The following VPS13C variants were observed in gnomAD, a reference collection of about 807,000 sequenced individuals.
VPS13C encodes the protein intermembrane lipid transfer protein VPS13C.
Under a neutral mutation model 456.8 loss-of-function variants are expected in VPS13C, and 358 were observed. The observed-to-expected ratio is 0.78, with a 90% CI of 0.72 to 0.86. VPS13C has a LOEUF of 0.86. Ranked by LOEUF, VPS13C falls within the 40% of genes least tolerant of loss-of-function variation. The pLI, the probability that VPS13C is intolerant of heterozygous loss-of-function variation, is 0.00. For synonymous variants in VPS13C, 1,578 were observed against 1,486.7 expected (o/e 1.06, Z -1.41); for missense variants, 4,818 against 4,385.4 (o/e 1.10, Z -2.79).
chr15:61,894,218 G>T (rs534678465), intron 66 of VPS13C, among the ~76,000 whole-genome samples: 11 of 152,062 alleles, frequency 7.2e-5, no homozygotes, highest in African/African-American at 2.7e-4. Flanking sequence ...TGAGGCAGGG[G>T]AATTGCTTGA....
At chr15:61,935,296 T>C (rs1426559530) in intron 48 of VPS13C, among the ~76,000 whole-genome samples, 1 of 152,192 alleles carries the variant, frequency 6.6e-6, no homozygotes, top group Non-Finnish European at 1.5e-5. Flanking sequence ...ATAATCTTTT[T>C]CAACACTGAC....
intron 79 of VPS13C, 95 bp downstream of exon 79, chr15:61,871,894 C>T (rs1895058635): frequency 1.8e-6 from 2 of 1,086,692 alleles, no homozygotes; most frequent in African/African-American, 3.2e-5. Flanking sequence ...CAGTAATTTT[C>T]TCAATCAAGT....
intron 67 of VPS13C, 58 bp downstream of exon 67, chr15:61,890,107 T>C (rs753077074): frequency 7.9e-6 from 12 of 1,511,704 alleles, no homozygotes; most frequent in Non-Finnish European, 1.1e-5. Context: ...TCAAATCGGC[T>C]ATTATGAACT....
In VPS13C at chr15:61,919,281, A is replaced by G. The variant is rs2043570403; in HGVS notation, c.7638+8T>C. On this transcript the variant is annotated splice_region_variant and intron_variant, in intron 58 of 84. Transcript: ENST00000644861. ...CTGAAAGGGATACAATTAACTTTGA[A>G]GTATTACCTGTAGAGGAGAGCGAAG... The G allele has an allele frequency of 6.3e-7, 1 of 1,581,048 alleles. No individual in the cohort carries two copies. Among genetic ancestry groups the G allele is most frequent in the Non-Finnish European group, 8.6e-7 (1 of 1,167,118 alleles).
At chr15:61,935,099 A>G (rs2140237038) in intron 48 of VPS13C, among the ~76,000 whole-genome samples, 1 of 152,276 alleles carries the variant, frequency 6.6e-6, no homozygotes, top group African/African-American at 2.4e-5. Flanking sequence ...CTTTATCAGA[A>G]GAACAGAATA....
intron 81 of VPS13C, chr15:61,865,981 A>C: frequency 1.3e-5 from 13 of 984,188 alleles, no homozygotes; most frequent in Non-Finnish European, 1.4e-5. Context: ...CATATTACAA[A>C]GGGCTAAAAA....
chr15:61,897,961 GA>G (rs1177084001), intron 66 of VPS13C, among the ~76,000 whole-genome samples: 2 of 152,114 alleles, frequency 1.3e-5, no homozygotes, highest in African/African-American at 4.8e-5. Flanking sequence ...CATTCTTGAA[GA>G]AAAGAATTTT....
At chr15:61,900,582 A>G (rs2042966812) in intron 66 of VPS13C, among the ~76,000 whole-genome samples, 1 of 151,918 alleles carries the variant, frequency 6.6e-6, no homozygotes, top group Non-Finnish European at 1.5e-5. Flanking sequence ...AAGGAGAACT[A>G]CAAACCACTG....
chr15:61,970,344 T>A (rs117776808), intron 27 of VPS13C, among the ~76,000 whole-genome samples: 1 of 152,252 alleles, frequency 6.6e-6, no homozygotes, highest in East Asian at 1.9e-4. Context: ...CCAAACTTCC[T>A]AACCCACAAA....
chr15:62,039,084 C>T (rs1783120804), intron 3 of VPS13C, among the ~76,000 whole-genome samples: 1 of 152,104 alleles, frequency 6.6e-6, no homozygotes, highest in Non-Finnish European at 1.5e-5. Flanking sequence ...AATCCCACTA[C>T]TGAGTACCTA....
chr15:62,022,620 G>C lies in VPS13C; in HGVS notation c.624+791C>G, dbSNP rs538968887. The stretch of plus-strand genomic sequence containing the variant: ...TGACAATCTACAAATGTGTCCTGCT[G>C]ACTTATCAAGTTACATAGGGAACTT... On this transcript the variant is annotated intron_variant, in intron 8 of 84. Coordinates refer to ENST00000644861, the MANE Select transcript of VPS13C (RefSeq NM_020821.3). Among the ~76,000 whole-genome samples, 23 of 151,828 alleles carry C rather than the reference G, an allele frequency of 1.5e-4. No individual in the cohort carries two copies. In the South Asian group the frequency reaches 3.9e-3, roughly 26 times the overall value.
chr15:61,972,210 G>A (rs2045575184), intron 27 of VPS13C, among the ~76,000 whole-genome samples: 1 of 152,170 alleles, frequency 6.6e-6, no homozygotes, highest in Non-Finnish European at 1.5e-5. Flanking sequence ...TTTAAAGGCT[G>A]TAAACGTATG....
At chr15:61,890,841 G>A (rs535720206) in intron 66 of VPS13C, among the ~76,000 whole-genome samples, 1 of 152,300 alleles carries the variant, frequency 6.6e-6, no homozygotes, top group Non-Finnish European at 1.5e-5. Context: ...GAGGTCAGGA[G>A]TTCGAGACCA....
chr15:61,983,529 C>T (rs1271372936), intron 20 of VPS13C, among the ~76,000 whole-genome samples: 3 of 151,930 alleles, frequency 2.0e-5, no homozygotes, highest in Admixed American at 2.0e-4. Context: ...AAACGTGTAA[C>T]AATTTGGAAG....
At chr15:62,052,358 T>G (rs2048648230) in intron 1 of VPS13C, among the ~76,000 whole-genome samples, 2 of 152,160 alleles carry the variant, frequency 1.3e-5, no homozygotes, top group South Asian at 4.1e-4. Flanking sequence ...ATGAATCAAA[T>G]TATTTTAATG....
At chr15:61,908,023 G>T (rs555846355) in intron 65 of VPS13C, among the ~76,000 whole-genome samples, 3 of 152,294 alleles carry the variant, frequency 2.0e-5, no homozygotes, top group Admixed American at 1.3e-4. Flanking sequence ...TAAACAGGCA[G>T]AATAAGTATT....
chr15:61,920,622 T>C lies in VPS13C; in HGVS notation c.7088A>G (p.Lys2363Arg). ...LDVKKNPVQD[K>R]SLLPGDDFIP... The stretch of plus-strand genomic sequence containing the variant: ...AAAATCATCTCCTGGCAGCAAACTT[T>C]TATCCTGAACTGGGTTCTTCTTTAC... Residue 2363 changes from lysine to arginine, a missense_variant, in exon 56 of 85, where the codon AAA becomes AGA. Transcript: ENST00000644861. 6.3e-7 allele frequency: 1 copy of C among 1,585,494 alleles called. No homozygotes were observed. Among genetic ancestry groups the C allele is most frequent in the East Asian group, 2.3e-5 (1 of 44,208 alleles).
At chr15:61,913,721 C>T (rs1447751679) in intron 61 of VPS13C, among the ~76,000 whole-genome samples, 1 of 152,058 alleles carries the variant, frequency 6.6e-6, no homozygotes, top group African/African-American at 2.4e-5. Context: ...TAATGCAAAA[C>T]GATGTTTTCC....
At chr15:61,916,097 G>A (rs1210018636) in intron 60 of VPS13C, 75 bp from the exon 61 acceptor site, 11 of 1,454,866 alleles carry the variant, frequency 7.6e-6, no homozygotes, top group Non-Finnish European at 1.0e-5. Flanking sequence ...TTTCACAAAT[G>A]CTAAATAAAC....
Sources: allele counts gnomAD v4.1 joint callset (sites outside exome capture counted in the v4.1 genomes callset), GRCh38; gene constraint gnomAD v4.1.1; transcripts MANE v1.5; gene names NCBI Gene and HGNC (gene_info 2026-07-23, HGNC 2026-07-21).